The following WDFY4 variants were observed in gnomAD, a reference collection of about 807,000 sequenced individuals.
WDFY4 encodes WDFY family member 4.
In WDFY4, 169 loss-of-function variants were observed where a neutral mutation model predicts 351.9. The ratio of observed to expected loss-of-function variants is 0.48; its 90% confidence interval spans 0.42 to 0.55. The LOEUF (loss-of-function observed/expected upper bound fraction) is 0.55. Ranked by LOEUF, WDFY4 falls within the 20% of genes least tolerant of loss-of-function variation. WDFY4 has a pLI of 0.00. For synonymous variants in WDFY4, 1,622 were observed against 1,574.6 expected (o/e 1.03, Z -0.71); for missense variants, 3,803 against 3,935.6 (o/e 0.97, Z 0.90).
chr10:48,914,214 G>T (rs1281000673), intron 47 of WDFY4: 1 of 1,531,000 alleles, frequency 6.5e-7, no homozygotes, highest in African/African-American at 1.4e-5. Flanking sequence ...TGATCAGTGT[G>T]AGGAAAAATC....
At chr10:48,802,530 A>G (rs146772506) in intron 24 of WDFY4, among the ~76,000 whole-genome samples, 2 of 152,188 alleles carry the variant, frequency 1.3e-5, no homozygotes, top group East Asian at 1.9e-4. Flanking sequence ...GGCCTTAGGA[A>G]CTGTCAGTAT....
At position 48,690,888 on chromosome 10, in the gene WDFY4, C is replaced by T. The variant is rs570559412; in HGVS notation, c.-18+5887C>T. On this transcript the variant is annotated intron_variant, in intron 1 of 61. Coordinates refer to ENST00000325239, the MANE Select transcript of WDFY4 (RefSeq NM_001394531.1). ...CTGAAAAAGACAACACAAGTCCCCACTCTGGTTTGTGGGTCTGGTAGCCCA... is the reference window on the plus strand; with the variant it reads ...CTGAAAAAGACAACACAAGTCCCCATTCTGGTTTGTGGGTCTGGTAGCCCA... Among the ~76,000 whole-genome samples, 186 of 152,324 alleles carry T rather than the reference C, an allele frequency of 1.2e-3. 1 individual carries two copies. Among genetic ancestry groups the T allele is most frequent in the African/African-American group, 4.4e-3 (182 of 41,578 alleles).
chr10:48,768,718 A>C (rs2065757815), intron 13 of WDFY4, among the ~76,000 whole-genome samples: 1 of 138,292 alleles, frequency 7.2e-6, no homozygotes, highest in Non-Finnish European at 1.5e-5. Context: ...GGGGTGGGAG[A>C]GGAGAAGAGA....
intron 13 of WDFY4, among the ~76,000 whole-genome samples, chr10:48,772,517 C>CTTTTTTTTTTTTTTTTTTTGTATTTTT (rs10672319): frequency 1.4e-5 from 1 of 70,622 alleles, no homozygotes. Context: ...GAGGGCAGTT[C>CTTTTTTTTTTTTTTTTTTTGTATTTTT]TTTTTTTTTT....
At chr10:48,847,366 C>T (rs965944814) in intron 39 of WDFY4, among the ~76,000 whole-genome samples, 14 of 152,162 alleles carry the variant, frequency 9.2e-5, no homozygotes, top group South Asian at 6.2e-4. Flanking sequence ...GGGGTTAGGG[C>T]TTCAACATAT....
intron 36 of WDFY4, among the ~76,000 whole-genome samples, 170 bp downstream of exon 36, chr10:48,827,079 AC>A (rs2068033355): frequency 6.6e-6 from 1 of 152,158 alleles, no homozygotes; most frequent in Admixed American, 6.5e-5. Flanking sequence ...TAATCCCCAA[AC>A]TTGTCCATGT....
chr10:48,747,228 C>T (rs538759778), intron 12 of WDFY4, among the ~76,000 whole-genome samples: 33 of 152,212 alleles, frequency 2.2e-4, no homozygotes, highest in African/African-American at 7.9e-4. Flanking sequence ...CTTTTAAAAT[C>T]GTTTTTATTT....
chr10:48,730,057 C>A (rs2064406109), intron 8 of WDFY4, among the ~76,000 whole-genome samples: 1 of 152,220 alleles, frequency 6.6e-6, no homozygotes, highest in African/African-American at 2.4e-5. Context: ...GAGACTGTCA[C>A]ATGTCCTTGA....
intron 49 of WDFY4, among the ~76,000 whole-genome samples, chr10:48,945,148 G>A (rs1362916260): frequency 2.0e-5 from 3 of 152,230 alleles, no homozygotes; most frequent in Non-Finnish European, 4.4e-5. Flanking sequence ...GGCCGAAGCA[G>A]GAGGATTGCT....
chr10:48,694,118 C>T (rs2063268448), intron 1 of WDFY4, among the ~76,000 whole-genome samples: 1 of 152,190 alleles, frequency 6.6e-6, no homozygotes, highest in South Asian at 2.1e-4. Context: ...ACCAAGCCAT[C>T]TGGAAATGTG....
chr10:48,749,673 A>G (rs937211401), intron 12 of WDFY4, among the ~76,000 whole-genome samples: 5 of 152,104 alleles, frequency 3.3e-5, no homozygotes, highest in Admixed American at 2.0e-4. Context: ...CACAAACCCT[A>G]TGGGAGACCA....
chr10:48,974,162 G>A (rs1000081782), intron 57 of WDFY4, among the ~76,000 whole-genome samples: 1 of 152,116 alleles, frequency 6.6e-6, no homozygotes, highest in African/African-American at 2.4e-5. Context: ...TACTGAGCCT[G>A]CTGGTGTGGG....
intron 39 of WDFY4, among the ~76,000 whole-genome samples, chr10:48,836,144 A>G (rs1365670492): frequency 2.6e-5 from 4 of 152,118 alleles, no homozygotes; most frequent in South Asian, 2.1e-4. Context: ...AGCATCAACT[A>G]TTTGCCCTGG....
chr10:48,775,461 A>G (rs12217548), intron 14 of WDFY4, among the ~76,000 whole-genome samples: 8,020 of 152,254 alleles, frequency 0.053, 330 homozygotes, highest in Middle Eastern at 0.16. Context: ...AACAATTACT[A>G]CAAATTTACT....
intron 52 of WDFY4, among the ~76,000 whole-genome samples, chr10:48,957,899 C>G (rs900925553): frequency 3.9e-5 from 6 of 152,216 alleles, no homozygotes; most frequent in Non-Finnish European, 7.3e-5. Flanking sequence ...CTCGGAGCTT[C>G]CACTGCAAAC....
chr10:48,833,403 T>C (rs984258090), intron 39 of WDFY4, among the ~76,000 whole-genome samples: 2 of 152,046 alleles, frequency 1.3e-5, no homozygotes, highest in Admixed American at 6.5e-5. Flanking sequence ...TGAACTGGGC[T>C]TCCTTACAGC....
intron 47 of WDFY4, among the ~76,000 whole-genome samples, chr10:48,925,983 C>T (rs988532923): frequency 6.6e-6 from 1 of 152,140 alleles, no homozygotes; most frequent in Non-Finnish European, 1.5e-5. Context: ...TCCCCAAAGT[C>T]ACACAGGCAG....
At chr10:48,981,156 C>T (rs1842788286) in intron 60 of WDFY4, among the ~76,000 whole-genome samples, 1 of 152,220 alleles carries the variant, frequency 6.6e-6, no homozygotes, top group South Asian at 2.1e-4. Flanking sequence ...CACGTCAGCA[C>T]ATGTAACTAT....
In WDFY4 at chr10:48,786,826, T is replaced by G; in HGVS notation, c.3764T>G (p.Leu1255Arg). 6.4e-7 allele frequency: 1 copy of G among 1,552,234 alleles called. No homozygotes were observed. The highest frequency in any genetic ancestry group is 8.7e-7 in the Non-Finnish European group (1 of 1,147,110). The change falls in exon 20 of 62, where the codon CTT becomes CGT. Residue 1255 changes from leucine to arginine, a missense_variant. By Grantham distance (102) the Leu-to-Arg change is moderately radical (BLOSUM62 -2). Around this residue, in one of 3 missense-constraint regions of WDFY4, gnomAD observed 3,054 missense variants for 3,148.6 expected, o/e 0.97. Transcript: ENST00000325239. The stretch of plus-strand genomic sequence containing the variant: ...GAAACTCTGGAAGTTATTAACAAAC[T>G]TGGCCCAAGATATTGTGGTAACTTC... ...SMETLEVINK[L>R]GPRYCGNFQA...
Sources: allele counts gnomAD v4.1 joint callset (sites outside exome capture counted in the v4.1 genomes callset), GRCh38; gene constraint gnomAD v4.1.1; regional missense constraint gnomAD v4.1.1; transcripts MANE v1.5; gene names NCBI Gene and HGNC (gene_info 2026-07-23, HGNC 2026-07-21).